The following CACNA2D3 variants were observed in gnomAD, a reference collection of about 807,000 sequenced individuals.
CACNA2D3 encodes calcium voltage-gated channel auxiliary subunit alpha2delta 3.
A neutral mutation model predicts 160.6 loss-of-function variants in CACNA2D3; 60 were observed. The observed-to-expected ratio is 0.37, with a 90% CI of 0.30 to 0.46. The LOEUF is 0.46. Among genes scored for constraint, CACNA2D3 ranks in the 20% least tolerant of loss-of-function variants. The probability of loss-of-function intolerance (pLI) is 1.00; values close to 1 mark genes in which losing one functional copy is unlikely to be tolerated. For synonymous variants in CACNA2D3, 558 were observed against 492.9 expected (o/e 1.13, Z -1.75); for missense variants, 1,205 against 1,365.0 (o/e 0.88, Z 1.85).
chr3:54,238,361 C>T (rs927837768), intron 2 of CACNA2D3, among the ~76,000 whole-genome samples: 11 of 152,156 alleles, frequency 7.2e-5, no homozygotes, highest in Non-Finnish European at 1.5e-4. Flanking sequence ...TGTGGCTGAA[C>T]CCAGAGGTAG....
chr3:54,944,655 T>A (rs1010702609), intron 27 of CACNA2D3, among the ~76,000 whole-genome samples: 2 of 152,148 alleles, frequency 1.3e-5, no homozygotes, highest in Non-Finnish European at 2.9e-5. Context: ...ACTCCTGACC[T>A]CATGATCCGC....
At chr3:54,717,785 GC>G (rs1701087501) in intron 11 of CACNA2D3, among the ~76,000 whole-genome samples, 1 of 88,200 alleles carries the variant, frequency 1.1e-5, no homozygotes, top group Non-Finnish European at 2.6e-5. Context: ...GTGTGCATGT[GC>G]GTGTGTGGTG....
intron 2 of CACNA2D3, among the ~76,000 whole-genome samples, chr3:54,132,305 A>G (rs1271083272): frequency 5.3e-5 from 8 of 152,250 alleles, no homozygotes; most frequent in Admixed American, 3.3e-4. Context: ...AACTCAGACA[A>G]CACACTTCAG....
chr3:54,556,577 A>G (rs935698054), intron 5 of CACNA2D3, among the ~76,000 whole-genome samples: 1 of 152,202 alleles, frequency 6.6e-6, no homozygotes, highest in Non-Finnish European at 1.5e-5. Flanking sequence ...CAGCTGCTAC[A>G]GAAAGCTAAT....
intron 2 of CACNA2D3, among the ~76,000 whole-genome samples, chr3:54,164,825 C>G (rs73844322): frequency 1.3e-5 from 2 of 152,088 alleles, no homozygotes; most frequent in African/African-American, 4.8e-5. Flanking sequence ...GCCCCAGGCC[C>G]GACACTTCCA....
At chr3:54,123,076 T>G (rs1202868555) in intron 1 of CACNA2D3, among the ~76,000 whole-genome samples, 2 of 152,158 alleles carry the variant, frequency 1.3e-5, no homozygotes, top group East Asian at 3.9e-4. Context: ...CGGCACCAAC[T>G]TTGGAGCCTG....
chr3:54,602,656 C>A (rs920158845), intron 9 of CACNA2D3, among the ~76,000 whole-genome samples: 1 of 152,268 alleles, frequency 6.6e-6, no homozygotes, highest in East Asian at 1.9e-4. Flanking sequence ...AATTTCTTAG[C>A]TCTGACGATA....
At chr3:55,038,864 C>CCATATA (rs1451441383) in intron 35 of CACNA2D3, among the ~76,000 whole-genome samples, 2 of 99,084 alleles carry the variant, frequency 2.0e-5, no homozygotes, top group Non-Finnish European at 4.1e-5. Context: ...AGCCAGGATG[C>CCATATA]TATATATATA....
intron 8 of CACNA2D3, among the ~76,000 whole-genome samples, chr3:54,577,910 G>A (rs546313372): frequency 1.3e-5 from 2 of 152,206 alleles, no homozygotes; most frequent in Admixed American, 1.3e-4. Flanking sequence ...CAGGAAGGAA[G>A]CAGAGAGAAG....
intron 14 of CACNA2D3, among the ~76,000 whole-genome samples, chr3:54,830,450 CTTTTTTTT>C: frequency 7.3e-6 from 1 of 137,338 alleles, no homozygotes; most frequent in African/African-American, 2.7e-5. Flanking sequence ...CATTTAAATA[CTTTTTTTT>C]TTTTTTTTGA....
At chr3:54,743,624 C>A (rs1215622713) in intron 11 of CACNA2D3, among the ~76,000 whole-genome samples, 1 of 152,174 alleles carries the variant, frequency 6.6e-6, no homozygotes, top group African/African-American at 2.4e-5. Flanking sequence ...TGACATAAGT[C>A]AATTTTCTGA....
chr3:54,763,733 A>ATGTGTATATATGTACATATATACATAT lies in CACNA2D3; in HGVS notation c.1247-472_1247-471insACATATATACATATTGTGTATATATGT, dbSNP rs1553838433. Among the ~76,000 whole-genome samples, 28 of 72,408 alleles carry ATGTGTATATATGTACATATATACATAT rather than the reference A, an allele frequency of 3.9e-4. 6 individuals are homozygous for ATGTGTATATATGTACATATATACATAT. Among genetic ancestry groups the ATGTGTATATATGTACATATATACATAT allele is most frequent in the Admixed American group, 9.2e-4 (6 of 6,510 alleles). The allele number at this position is 72,408 out of a possible 152,430, so 47.5% of individuals were successfully genotyped here. A position where few individuals can be genotyped will look rare whatever the true frequency, so the allele number is the denominator to read the frequency against. Reference sequence around the variant, plus strand: ...TATATATGTACATATATACATATATATGTGTATATATGTGCATATATATAC... The same window carrying ATGTGTATATATGTACATATATACATAT: ...TATATATGTACATATATACATATATATGTGTATATATGTACATATATACATATTGTGTATATATGTGCATATATATAC... On this transcript the variant is annotated intron_variant, in intron 12 of 37. Transcript: ENST00000474759.
At chr3:55,026,514 G>C (rs1023113628) in intron 35 of CACNA2D3, among the ~76,000 whole-genome samples, 2 of 152,292 alleles carry the variant, frequency 1.3e-5, no homozygotes, top group South Asian at 4.1e-4. Context: ...ATGTTACACG[G>C]GGGTCGCAGA....
At chr3:54,419,722 TAG>T (rs1379378648) in intron 4 of CACNA2D3, among the ~76,000 whole-genome samples, 1 of 152,178 alleles carries the variant, frequency 6.6e-6, no homozygotes, top group African/African-American at 2.4e-5. Context: ...AGACATATCT[TAG>T]CACTTACAGA....
At chr3:54,478,679 T>TA (rs1559493334) in intron 4 of CACNA2D3, among the ~76,000 whole-genome samples, 2 of 47,788 alleles carry the variant, frequency 4.2e-5, no homozygotes, top group Non-Finnish European at 5.0e-5. Flanking sequence ...TATATATATA[T>TA]TGCTTGTCAT....
intron 2 of CACNA2D3, among the ~76,000 whole-genome samples, chr3:54,287,220 G>A (rs1481650927): frequency 2.0e-5 from 3 of 152,242 alleles, no homozygotes; most frequent in East Asian, 1.9e-4. Flanking sequence ...TCAAAATAAA[G>A]GGACGGAGGA....
At chr3:54,769,323 C>G (rs1702277074) in intron 13 of CACNA2D3, among the ~76,000 whole-genome samples, 1 of 152,106 alleles carries the variant, frequency 6.6e-6, no homozygotes, top group Non-Finnish European at 1.5e-5. Context: ...ATGAAAGAGA[C>G]TAGACTCCAC....
chr3:54,623,295 G>A (rs910358524), intron 9 of CACNA2D3, among the ~76,000 whole-genome samples: 4 of 152,158 alleles, frequency 2.6e-5, no homozygotes, highest in Non-Finnish European at 5.9e-5. Flanking sequence ...ATGATTGCTG[G>A]CAGCCCTAGG....
At chr3:54,736,043 A>T (rs1267275054) in intron 11 of CACNA2D3, among the ~76,000 whole-genome samples, 7,641 of 45,834 alleles carry the variant, frequency 0.17, 580 homozygotes, top group Non-Finnish European at 0.23. Context: ...ATGTATATAT[A>T]TACACATACA....
Sources: gnomAD v4.1 joint callset for allele counts (sites outside exome capture counted in the v4.1 genomes callset) on GRCh38, gnomAD v4.1.1 for gene constraint, MANE v1.5 for transcripts, NCBI Gene and HGNC (gene_info 2026-07-23, HGNC 2026-07-21) for gene names.